GRPR: variants seen among roughly 807,000 people sequenced by gnomAD.
GRPR encodes the protein gastrin-releasing peptide receptor.
Under a neutral mutation model 15.6 loss-of-function variants are expected in GRPR, and 4 were observed. The observed-to-expected ratio is 0.26, with a 90% CI of 0.13 to 0.59. GRPR has a LOEUF of 0.59. Among genes scored for constraint, GRPR ranks in the 20% least tolerant of loss-of-function variants. The pLI is 0.90. For missense variants in GRPR, 270 were observed against 304.1 expected, an observed-to-expected ratio of 0.89 and a Z score of 0.83; for synonymous variants, 128 against 126.8, an observed-to-expected ratio of 1.01 and a Z score of -0.06.
intron 1 of GRPR, among the ~76,000 whole-genome samples, chrX:16,137,741 G>A (rs1442865892): frequency 9.0e-6 from 1 of 111,670 alleles, no homozygotes; most frequent in Non-Finnish European, 1.9e-5. Flanking sequence ...AAAAGGGCTT[G>A]AGAGTAGTGT....
At chrX:16,128,183 A>G (rs747484291) in intron 1 of GRPR, among the ~76,000 whole-genome samples, 1 of 112,394 alleles carries the variant, frequency 8.9e-6, no homozygotes, top group Non-Finnish European at 1.9e-5. Flanking sequence ...CTTATTCTTC[A>G]TTCTATTTTG....
intron 1 of GRPR, among the ~76,000 whole-genome samples, chrX:16,139,877 A>G (rs1922506139): frequency 8.9e-6 from 1 of 112,629 alleles, no homozygotes; most frequent in Non-Finnish European, 1.9e-5. Flanking sequence ...ATGTAGGGGC[A>G]GAGGGAAAGC....
intron 1 of GRPR, among the ~76,000 whole-genome samples, chrX:16,139,686 G>A (rs750376614): frequency 1.8e-5 from 2 of 111,685 alleles, no homozygotes; most frequent in Non-Finnish European, 3.8e-5. Context: ...AGAAAATGGA[G>A]GCATCAAAAT....
chrX:16,149,774 T>G (rs1922665137), intron 1 of GRPR, among the ~76,000 whole-genome samples: 1 of 110,989 alleles, frequency 9.0e-6, no homozygotes, highest in Non-Finnish European at 1.9e-5. Flanking sequence ...CTAAGAGGTA[T>G]TCTTAAAATC....
At chrX:16,126,435 C>T (rs11796305) in intron 1 of GRPR, among the ~76,000 whole-genome samples, 5,734 of 111,316 alleles carry the variant, frequency 0.052, 176 homozygotes, top group Admixed American at 0.12. Context: ...AATATATATT[C>T]TATATTATTT....
chrX:16,137,670 T>G (rs1189439062), intron 1 of GRPR, among the ~76,000 whole-genome samples: 1 of 111,565 alleles, frequency 9.0e-6, no homozygotes, highest in Non-Finnish European at 1.9e-5. Context: ...AGGAAGTGTT[T>G]TGGCTCTAGG....
chrX:16,127,211 A>T (rs778760357), intron 1 of GRPR, among the ~76,000 whole-genome samples: 2 of 111,272 alleles, frequency 1.8e-5, no homozygotes, highest in African/African-American at 6.6e-5. Context: ...CCCCCTATAC[A>T]TTGCCCAGCA....
chrX:16,124,471 T>A, intron 1 of GRPR, 105 bp downstream of exon 1: 1 of 740,107 alleles, frequency 1.4e-6, no homozygotes, highest in Non-Finnish European at 2.1e-6. Flanking sequence ...GAAGTTTTAC[T>A]CAAACACGGA....
At chrX:16,124,444 G>T in intron 1 of GRPR, 78 bp downstream of exon 1, 5 of 940,999 alleles carry the variant, frequency 5.3e-6, no homozygotes, top group East Asian at 3.1e-5. Context: ...TCGGGACAGG[G>T]AGCTGATTGC....
Position 16,152,414 on chromosome X carries a change from C to T in GRPR, c.924C>T (p.Arg308=), listed in dbSNP as rs1272251131. ...ACTTTGTCACCAGCATCTGTGCCCG[C>T]CTCCTGGCCTTCACCAACTCCTGCG... ...MLHFVTSICA[R]LLAFTNSCVN... Residue 308 remains arginine (R), a synonymous_variant, in exon 3 of 3, where the codon CGC becomes CGT. Transcript: ENST00000380289. The T allele has an allele frequency of 8.3e-7, 1 of 1,208,947 alleles. No homozygotes were observed. Among genetic ancestry groups the T allele is most frequent in the Non-Finnish European group, 1.1e-6 (1 of 894,290 alleles).
intron 1 of GRPR, among the ~76,000 whole-genome samples, chrX:16,132,382 C>T: frequency 9.0e-6 from 1 of 111,678 alleles, no homozygotes; most frequent in East Asian, 2.8e-4. Context: ...TATTTTAAAA[C>T]CTTTAGAAAT....
rs554118576 is a variant in GRPR at position 16,144,910 on chromosome X, G to A, written c.414-5395G>A. Among the ~76,000 whole-genome samples the A allele has an allele frequency of 5.3e-4, 59 of 111,849 alleles. No homozygotes were observed. In the Middle Eastern group the frequency reaches 0.019, roughly 35 times the overall value. On this transcript the variant is annotated intron_variant, in intron 1 of 2. Transcript: ENST00000380289. ...ATCAATTAATTAGCAAGTATTTGCCGAGTCCCTACTTTGAAATAAGTGATT... is the reference window on the plus strand; with the variant it reads ...ATCAATTAATTAGCAAGTATTTGCCAAGTCCCTACTTTGAAATAAGTGATT...
At chrX:16,148,541 A>G (rs1922641031) in intron 1 of GRPR, among the ~76,000 whole-genome samples, 1 of 111,670 alleles carries the variant, frequency 9.0e-6, no homozygotes, top group South Asian at 3.8e-4. Context: ...CCTTCCCTGA[A>G]GTCCATGATA....
chrX:16,152,942 G>A lies in GRPR; in HGVS notation c.*297G>A. On this transcript the variant is annotated 3_prime_UTR_variant, in exon 3 of 3. Coordinates refer to ENST00000380289, the MANE Select transcript of GRPR (RefSeq NM_005314.3). ...TTTAAGCCTCAAGCCCTGTTAAATG[G>A]TCGTGGCCAATTATGTCATAGAAAC... 3.0e-6 allele frequency: 1 copy of A among 336,837 alleles called. No homozygotes were observed. The allele number at this position is 336,837 out of a possible 1,213,427, so 27.8% of individuals were successfully genotyped here.
chrX:16,152,677 G>A lies in GRPR; in HGVS notation c.*32G>A, dbSNP rs376975951. 7.8e-6 allele frequency: 9 copies of A among 1,156,434 alleles called. No individual in the cohort carries two copies. In the African/African-American group the frequency reaches 1.4e-4, roughly 19 times the overall value. On this transcript the variant is annotated 3_prime_UTR_variant, in exon 3 of 3. Coordinates refer to ENST00000380289, the MANE Select transcript of GRPR (RefSeq NM_005314.3). The stretch of plus-strand genomic sequence containing the variant: ...CCTTGATTTTGCCCCCTGAGGGACG[G>A]TTTTGCTTTATGGCTAGACAGGAAC...
intron 1 of GRPR, among the ~76,000 whole-genome samples, chrX:16,136,492 G>A (rs1210694969): frequency 1.8e-5 from 2 of 111,800 alleles, no homozygotes; most frequent in Admixed American, 9.5e-5. Context: ...GTTAGACTAA[G>A]CATCCTGAGC....
chrX:16,132,818 T>C (rs904092453), intron 1 of GRPR, among the ~76,000 whole-genome samples: 3 of 112,071 alleles, frequency 2.7e-5, no homozygotes, highest in African/African-American at 9.7e-5. Context: ...TTCTTCTGCG[T>C]TGAGTAATCT....
chrX:16,128,559 C>A (rs1922331201), intron 1 of GRPR, among the ~76,000 whole-genome samples: 1 of 111,851 alleles, frequency 8.9e-6, no homozygotes, highest in East Asian at 2.8e-4. Context: ...ATCACATAGT[C>A]ACCTGCTCAT....
chrX:16,143,631 C>G (rs1159223488), intron 1 of GRPR, among the ~76,000 whole-genome samples: 1 of 112,135 alleles, frequency 8.9e-6, no homozygotes, highest in African/African-American at 3.2e-5. Flanking sequence ...CCACTTCTCC[C>G]CAGTCTTCCC....
Sources: gnomAD v4.1 joint callset for allele counts (sites outside exome capture counted in the v4.1 genomes callset) on GRCh38, gnomAD v4.1.1 for gene constraint, MANE v1.5 for transcripts, NCBI Gene and HGNC (gene_info 2026-07-23, HGNC 2026-07-21) for gene names.